Variants in SLFN12 observed in about 807,000 individuals in gnomAD.
The protein encoded by SLFN12 is schlafen family member 12, also known as ribonuclease SLFN12.
In SLFN12, 25 loss-of-function variants were observed where a neutral mutation model predicts 29.1. The observed-to-expected ratio is 0.86, with a 90% CI of 0.63 to 1.20. SLFN12 has a LOEUF of 1.20. Ranked by LOEUF, SLFN12 falls within the 50% of genes most tolerant of loss-of-function variation. SLFN12 has a pLI of 0.00. For synonymous variants in SLFN12, 257 were observed against 238.7 expected (o/e 1.08, Z -0.71); for missense variants, 660 against 666.2 (o/e 0.99, Z 0.10).
At chr17:35,412,840 A>AAAT (rs1270799362) in intron 3 of SLFN12, among the ~76,000 whole-genome samples, 3 of 152,002 alleles carry the variant, frequency 2.0e-5, no homozygotes, top group Non-Finnish European at 4.4e-5. Flanking sequence ...TAAAAACAAA[A>AAAT]AATAATAATA....
At chr17:35,424,018 G>A (rs187120562) in intron 1 of SLFN12, among the ~76,000 whole-genome samples, 82 of 152,158 alleles carry the variant, frequency 5.4e-4, no homozygotes, top group African/African-American at 1.9e-3. Flanking sequence ...CCCAGCTTGC[G>A]GTATTTTGTT....
In SLFN12 at chr17:35,419,953, A is replaced by C. The variant is rs569315769; in HGVS notation, c.1147+321T>G. Among the ~76,000 whole-genome samples, 2 of 152,322 alleles carry C rather than the reference A, an allele frequency of 1.3e-5. 1 individual carries two copies. The highest frequency in any genetic ancestry group is 4.1e-4 in the South Asian group (2 of 4,832). On this transcript the variant is annotated intron_variant, in intron 3 of 3. Coordinates refer to ENST00000304905, the MANE Select transcript of SLFN12 (RefSeq NM_018042.5). ...ACTGATGGCGTTTCTTCAGTAACTG[A>C]ACATAGCTATGCCTGAAGGTGGGCC...
At chr17:35,423,887 T>C (rs1443749511) in intron 1 of SLFN12, among the ~76,000 whole-genome samples, 2 of 152,188 alleles carry the variant, frequency 1.3e-5, no homozygotes, top group African/African-American at 2.4e-5. Flanking sequence ...AACACAGCAA[T>C]AAGTAGGCAG....
rs552004590 is a variant in SLFN12 at position 35,429,996 on chromosome 17, T to G, written c.-41+2192A>C. ...CATAGAGCACTCTGCCCTCCCTGCC[T>G]CTCTAGCTCTGCTTGAACACTGCAG... On this transcript the variant is annotated intron_variant, in intron 1 of 3. Coordinates refer to ENST00000304905, the MANE Select transcript of SLFN12 (RefSeq NM_018042.5). 1.6e-3 allele frequency among the ~76,000 whole-genome samples: 250 copies of G among 152,038 alleles called. 2 individuals carry two copies. The highest frequency in any genetic ancestry group is 5.8e-3 in the African/African-American group (242 of 41,528).
chr17:35,413,555 C>A (rs1275667928), intron 3 of SLFN12, among the ~76,000 whole-genome samples: 2 of 151,906 alleles, frequency 1.3e-5, no homozygotes, highest in African/African-American at 4.8e-5. Flanking sequence ...CAAGACCAAC[C>A]TGGCCAACAT....
intron 1 of SLFN12, among the ~76,000 whole-genome samples, chr17:35,423,929 C>T (rs2142044747): frequency 1.3e-5 from 2 of 152,258 alleles, no homozygotes; most frequent in Admixed American, 1.3e-4. Flanking sequence ...TCACCAGAAT[C>T]CAACAGTGCT....
intron 3 of SLFN12, among the ~76,000 whole-genome samples, chr17:35,419,505 A>G (rs894470583): frequency 6.6e-6 from 1 of 152,178 alleles, no homozygotes; most frequent in African/African-American, 2.4e-5. Flanking sequence ...TATGGCCAGT[A>G]AGTATATGGA....
In SLFN12 at chr17:35,411,304, T is replaced by C; in HGVS notation, c.*34A>G. 1 of 1,356,808 alleles carries C rather than the reference T, an allele frequency of 7.4e-7. No homozygotes were observed. Among genetic ancestry groups the C allele is most frequent in the South Asian group, 1.5e-5 (1 of 67,800 alleles). The allele number at this position is 1,356,808 out of a possible 1,614,324, so 84.0% of individuals were successfully genotyped here. ...TTAGAGAATGTTATCAAATATATAATGAAAAATATCTCAGTAGCCCAGTCC... is the reference window on the plus strand; with the variant it reads ...TTAGAGAATGTTATCAAATATATAACGAAAAATATCTCAGTAGCCCAGTCC... On this transcript the variant is annotated 3_prime_UTR_variant, in exon 4 of 4. Coordinates refer to ENST00000304905, the MANE Select transcript of SLFN12 (RefSeq NM_018042.5).
intron 1 of SLFN12, among the ~76,000 whole-genome samples, chr17:35,429,823 G>T (rs1233980185): frequency 4.6e-5 from 7 of 151,964 alleles, no homozygotes; most frequent in Non-Finnish European, 1.0e-4. Flanking sequence ...AGGGTGCTTG[G>T]TTTTTCTTTT....
intron 1 of SLFN12, 75 bp from the exon 2 acceptor site, chr17:35,423,143 C>A: frequency 6.8e-7 from 1 of 1,464,630 alleles, no homozygotes; most frequent in Non-Finnish European, 9.0e-7. Flanking sequence ...GAGGCAAATG[C>A]AAAAAAATCC....
chr17:35,425,838 C>CTTTTTTTTTTTTTTTTT lies in SLFN12; in HGVS notation c.-40-2787_-40-2771dup, dbSNP rs58492425. Among the ~76,000 whole-genome samples the CTTTTTTTTTTTTTTTTT allele has an allele frequency of 1.1e-3, 43 of 39,140 alleles. 5 individuals carry two copies. The highest frequency in any genetic ancestry group is 2.7e-3 in the African/African-American group (24 of 8,958). 25.7% of individuals were successfully genotyped at this position (39,140 alleles called of 152,430 possible). On this transcript the variant is annotated intron_variant, in intron 1 of 3. Coordinates refer to ENST00000304905, the MANE Select transcript of SLFN12 (RefSeq NM_018042.5). ...GGTTCTTTTTCTTTTCTTTTCTTTT[C>CTTTTTTTTTTTTTTTTT]TTTTTTTTTTTTTTTTTTTTTTTTT...
chr17:35,420,240 A>T lies in SLFN12; in HGVS notation c.1147+34T>A, dbSNP rs367674776. ...GAGAAAGAGGTTTGACTACAGTCACACTAACAAATCCGAAGAAGCCAGAAT... is the reference window on the plus strand; with the variant it reads ...GAGAAAGAGGTTTGACTACAGTCACTCTAACAAATCCGAAGAAGCCAGAAT... On this transcript the variant is annotated intron_variant, in intron 3 of 3. Transcript: ENST00000304905. 4 of 1,485,298 alleles carry T rather than the reference A, an allele frequency of 2.7e-6. No homozygotes were observed. The African/African-American group carries it at 5.6e-5, about 21-fold the overall frequency. The allele number at this position is 1,485,298 out of a possible 1,614,324, so 92.0% of individuals were successfully genotyped here.
At chr17:35,414,509 A>T (rs1251773943) in intron 3 of SLFN12, among the ~76,000 whole-genome samples, 1 of 152,066 alleles carries the variant, frequency 6.6e-6, no homozygotes, top group African/African-American at 2.4e-5. Context: ...TGAAAAAATC[A>T]TATTTTTAAA....
Position 35,411,735 on chromosome 17 carries a change from A to T in SLFN12, c.1340T>A (p.Ile447Asn), listed in dbSNP as rs1223377812. Residue 447 changes from isoleucine (I) to asparagine (N), a missense_variant, in exon 4 of 4, where the codon ATT becomes AAT. Physicochemically the swap from Ile to Asn is moderately radical, Grantham distance 149. Coordinates refer to ENST00000304905, the MANE Select transcript of SLFN12 (RefSeq NM_018042.5). ...NHKVLCDALL[I>N]SQDSPPVLYT... ...TAGGACTGGAGGACTGTCCTGGGAA[A>T]TCAGAAGAGCATCACAGAGGACTTT... 8 of 1,614,044 alleles carry T rather than the reference A, an allele frequency of 5.0e-6. No individual in the cohort carries two copies. In the South Asian group the frequency reaches 8.8e-5, roughly 18 times the overall value.
intron 3 of SLFN12, among the ~76,000 whole-genome samples, chr17:35,415,350 T>C (rs1021922886): frequency 7.9e-5 from 12 of 152,054 alleles, no homozygotes; most frequent in African/African-American, 2.9e-4. Context: ...TCTCACCTTA[T>C]ACAAAAACCA....
At chr17:35,427,487 C>T (rs953893971) in intron 1 of SLFN12, among the ~76,000 whole-genome samples, 30 of 152,212 alleles carry the variant, frequency 2.0e-4, no homozygotes, top group African/African-American at 7.0e-4. Flanking sequence ...AATAGCTTCA[C>T]AAAATGAGTT....
Position 35,422,882 on chromosome 17 carries a change from A to G in SLFN12, c.147T>C (p.Cys49=). 1 of 1,614,026 alleles carries G rather than the reference A, an allele frequency of 6.2e-7. No homozygotes were observed. The highest frequency in any genetic ancestry group is 8.5e-7 in the Non-Finnish European group (1 of 1,179,962). ...KQNESVSRAM[C]ALLNSGGGVI... ...CTCCCCCTCCAGAATTGAGCAGAGC[A>G]CACATAGCTCGTGAGACACTTTCAT... Residue 49 remains cysteine (C), a synonymous_variant, in exon 2 of 4, where the codon TGT becomes TGC. Transcript: ENST00000304905.
intron 2 of SLFN12, chr17:35,420,631 C>A: frequency 3.2e-6 from 1 of 308,578 alleles, no homozygotes; most frequent in Non-Finnish European, 6.0e-6. Context: ...AATACATTAC[C>A]ATATAATTGG....
intron 1 of SLFN12, among the ~76,000 whole-genome samples, chr17:35,425,833 C>CTT (rs1475313050): frequency 9.0e-5 from 2 of 22,196 alleles, no homozygotes; most frequent in Non-Finnish European, 9.3e-5. Flanking sequence ...CTTTTCTTTT[C>CTT]TTTTCTTTTT....
Sources: gnomAD v4.1 joint callset for allele counts (sites outside exome capture counted in the v4.1 genomes callset) on GRCh38, gnomAD v4.1.1 for gene constraint, MANE v1.5 for transcripts, NCBI Gene and HGNC (gene_info 2026-07-23, HGNC 2026-07-21) for gene names.